The following ITGA3 variants were observed in gnomAD, a reference collection of about 807,000 sequenced individuals.
ITGA3 encodes the protein integrin alpha-3.
ITGA3 carries 70 observed loss-of-function variants against 131.1 expected under a neutral mutation model. The ratio of observed to expected loss-of-function variants is 0.53; its 90% CI spans 0.44 to 0.65. The LOEUF (loss-of-function observed/expected upper bound fraction) is 0.65. Among genes scored for constraint, ITGA3 ranks in the 30% least tolerant of loss-of-function variants. The pLI, the probability that ITGA3 is intolerant of heterozygous loss-of-function variation, is 0.00. For missense variants in ITGA3, 1,098 were observed against 1,388.6 expected, an observed-to-expected ratio of 0.79 and a Z score of 3.33; for synonymous variants, 537 against 571.6, an observed-to-expected ratio of 0.94 and a Z score of 0.86.
intron 15 of ITGA3, 103 bp downstream of exon 15, chr17:50,077,224 C>T (rs931254220): frequency 1.5e-6 from 2 of 1,336,758 alleles, no homozygotes; most frequent in South Asian, 1.4e-5. Flanking sequence ...CACGTGCCCA[C>T]CTCCTCTGGT....
At chr17:50,070,966 G>A in intron 5 of ITGA3, 36 bp downstream of exon 5, 1 of 1,312,562 alleles carries the variant, frequency 7.6e-7, no homozygotes, top group Non-Finnish European at 1.1e-6. Context: ...AAGTGGTAGA[G>A]GGGAAGGGGG....
rs545943519 is a variant in ITGA3, at chr17:50,060,768, TC to T, written c.207-3308del. Among the ~76,000 whole-genome samples, 99 of 152,182 alleles carry T rather than the reference TC, an allele frequency of 6.5e-4. 1 individual carries two copies. Among genetic ancestry groups the T allele is most frequent in the African/African-American group, 2.4e-3 (98 of 41,524 alleles). ...TCCATCTAGGCATCCCTCCACCTACTCTCCCTCCTTCTGGCTGCAGCTGAGG... is the reference window on the plus strand; with the variant it reads ...TCCATCTAGGCATCCCTCCACCTACTTCCCTCCTTCTGGCTGCAGCTGAGG... On this transcript the variant is annotated intron_variant, in intron 1 of 25. Coordinates refer to ENST00000320031, the MANE Select transcript of ITGA3 (RefSeq NM_002204.4).
Position 50,076,575 on chromosome 17 carries a change from A to AC in ITGA3, c.1825-3dup, listed in dbSNP as rs35261467. The AC allele has an allele frequency of 1.9e-6, 3 of 1,611,930 alleles. No homozygotes were observed. Among genetic ancestry groups the AC allele is most frequent in the African/African-American group, 1.3e-5 (1 of 74,776 alleles). On this transcript the variant is annotated splice_polypyrimidine_tract_variant and intron_variant, in intron 13 of 25. Transcript: ENST00000320031. The stretch of plus-strand genomic sequence containing the variant: ...TGGTGCGGCCTTCACACCTCCGGCC[A>AC]CCCCCCAGGTCCAGTTCCAGAAGGA...
chr17:50,066,571 T>C (rs980745681), intron 3 of ITGA3, among the ~76,000 whole-genome samples: 2 of 152,138 alleles, frequency 1.3e-5, no homozygotes, highest in African/African-American at 4.8e-5. Flanking sequence ...GCCTAGGAGT[T>C]TGTGATCAAC....
At position 50,087,850 on chromosome 17, in the gene ITGA3, T is replaced by G; in HGVS notation, c.3026T>G (p.Ile1009Ser). ...GCAGGGCTGCTGCTGCTGGGGCTGA[T>G]CATCCTCCTGCTGTGGAAGGTTAGT... ...VGAGLLLLGL[I>S]ILLLWKCGFF... Residue 1009 changes from isoleucine to serine, a missense_variant, in exon 24 of 26, where the codon ATC (isoleucine) becomes AGC (serine). Around this residue, in one of 3 missense-constraint regions of ITGA3, gnomAD observed 699 missense variants for 829.2 expected, o/e 0.84. Coordinates refer to ENST00000320031, the MANE Select transcript of ITGA3 (RefSeq NM_002204.4). 1.2e-6 allele frequency: 2 copies of G among 1,600,054 alleles called. No homozygotes were observed. Among genetic ancestry groups the G allele is most frequent in the Non-Finnish European group, 8.5e-7 (1 of 1,173,202 alleles).
chr17:50,073,713 G>T (rs1484087843), intron 7 of ITGA3, among the ~76,000 whole-genome samples: 1 of 152,004 alleles, frequency 6.6e-6, no homozygotes, highest in Non-Finnish European at 1.5e-5. Context: ...TTTCCCACCC[G>T]TGATAGGAGG....
At chr17:50,069,491 C>A (rs995031980) in intron 4 of ITGA3, among the ~76,000 whole-genome samples, 1 of 152,050 alleles carries the variant, frequency 6.6e-6, no homozygotes, top group Admixed American at 6.5e-5. Context: ...CGTAGGGAGA[C>A]CTTGTCTCTA....
chr17:50,072,282 C>T, intron 7 of ITGA3, 100 bp downstream of exon 7: 1 of 1,090,374 alleles, frequency 9.2e-7, no homozygotes, highest in Non-Finnish European at 1.4e-6. Flanking sequence ...CTTGACAGGG[C>T]CCACAGATGA....
At position 50,073,593 on chromosome 17, in the gene ITGA3, AACACACACAC is replaced by A. The variant is rs71146961; in HGVS notation, c.1157-292_1157-283del. ...GTCACAGAGCGAGACACTGTCTATA[AACACACACAC>A]ACACACACACACACACACACACACA... On this transcript the variant is annotated intron_variant, in intron 7 of 25. Coordinates refer to ENST00000320031, the MANE Select transcript of ITGA3 (RefSeq NM_002204.4). Among the ~76,000 whole-genome samples the A allele has an allele frequency of 1.9e-3, 272 of 144,260 alleles. 1 individual carries two copies. Among genetic ancestry groups the A allele is most frequent in the South Asian group, 0.016 (70 of 4,468 alleles). 94.6% of individuals were successfully genotyped at this position (144,260 alleles called of 152,430 possible).
rs975509582 is a variant in ITGA3 at position 50,056,463 on chromosome 17, G to A, written c.24G>A (p.Ala8=). Residue 8 remains alanine, a synonymous_variant, in exon 1 of 26, where the codon GCG becomes GCA. Coordinates refer to ENST00000320031, the MANE Select transcript of ITGA3 (RefSeq NM_002204.4). The surrounding 1 kb of genome is among the most constrained non-coding windows in gnomAD (Gnocchi z 5.6). MGPGPSR[A]PRAPRLMLCA... is the part of the protein sequence containing the mutation. ...CCATGGGCCCCGGCCCCAGCCGCGC[G>A]CCCCGCGCCCCACGCCTGATGCTCT... The A allele has an allele frequency of 2.0e-5, 31 of 1,535,818 alleles. No individual in the cohort carries two copies. The African/African-American group carries it at 3.4e-4, about 17-fold the overall frequency.
chr17:50,067,152 G>A (rs1338071348), intron 3 of ITGA3, among the ~76,000 whole-genome samples: 1 of 152,188 alleles, frequency 6.6e-6, no homozygotes, highest in African/African-American at 2.4e-5. Context: ...ACCAAACACT[G>A]TGCTATTCCT....
chr17:50,071,372 T>C lies in ITGA3; in HGVS notation c.813T>C (p.Gly271=). 6.2e-7 allele frequency: 1 copy of C among 1,614,130 alleles called. No homozygotes were observed. The highest frequency in any genetic ancestry group is 1.7e-5 in the Admixed American group (1 of 60,020). Reference sequence around the variant, plus strand: ...CCAAAAACATCACCATTGTGACAGGTGCCCCACGGCACCGACATATGGGCG... The same window carrying C: ...CCAAAAACATCACCATTGTGACAGGCGCCCCACGGCACCGACATATGGGCG... ...LHPKNITIVT[G]APRHRHMGAV... is the part of the protein sequence containing the mutation. Residue 271 remains glycine (G), a synonymous_variant, in exon 6 of 26, where the codon GGT becomes GGC. Transcript: ENST00000320031.
intron 3 of ITGA3, among the ~76,000 whole-genome samples, chr17:50,066,473 C>A (rs1240196891): frequency 6.6e-6 from 1 of 152,100 alleles, no homozygotes; most frequent in African/African-American, 2.4e-5. Flanking sequence ...GCAAGAGCAA[C>A]AATGCCTGGC....
chr17:50,058,111 GGAAA>G (rs1460542647), intron 1 of ITGA3, among the ~76,000 whole-genome samples: 1 of 152,250 alleles, frequency 6.6e-6, no homozygotes, highest in Non-Finnish European at 1.5e-5. Context: ...AGATCAGACT[GGAAA>G]GAAAGAGTCA....
chr17:50,067,953 T>C, intron 3 of ITGA3, 103 bp from the exon 4 acceptor site: 6 of 1,479,402 alleles, frequency 4.1e-6, no homozygotes, highest in Non-Finnish European at 4.6e-6. Flanking sequence ...GGAGATCTCC[T>C]TTGACTCCTG....
rs749303111 is a variant in ITGA3 at position 50,081,365 on chromosome 17, G to A, written c.2876G>A (p.Arg959Gln). The change falls in exon 23 of 26, where the codon CGA becomes CAA. Residue 959 changes from arginine (R) to glutamine (Q), a missense_variant. Around this residue, in one of 3 missense-constraint regions of ITGA3, gnomAD observed 699 missense variants for 829.2 expected, o/e 0.84. Transcript: ENST00000320031. Reference protein sequence around the residue: ...RVNGWATLFLRTSIPTINMEN... With the variant: ...RVNGWATLFLQTSIPTINMEN... The stretch of plus-strand genomic sequence containing the variant: ...AATGGCTGGGCTACCCTATTCCTCC[G>A]AACCAGCATCCCCACCATCAACATG... 9.4e-6 allele frequency: 15 copies of A among 1,590,740 alleles called. No homozygotes were observed. The highest frequency in any genetic ancestry group is 4.6e-5 in the South Asian group (4 of 87,590).
At chr17:50,081,604 G>A (rs1055665722) in intron 23 of ITGA3, among the ~76,000 whole-genome samples, 196 bp downstream of exon 23, 17 of 152,204 alleles carry the variant, frequency 1.1e-4, no homozygotes, top group African/African-American at 2.9e-4. Flanking sequence ...TGGATTCCGG[G>A]ATTGCTGTGT....
chr17:50,070,110 G>A lies in ITGA3; in HGVS notation c.665-734G>A, dbSNP rs78823231. Among the ~76,000 whole-genome samples, 1,114 of 152,326 alleles carry A rather than the reference G, an allele frequency of 7.3e-3. 19 individuals carry two copies. The highest frequency in any genetic ancestry group is 0.025 in the African/African-American group (1,035 of 41,560). On this transcript the variant is annotated intron_variant, in intron 4 of 25. Coordinates refer to ENST00000320031, the MANE Select transcript of ITGA3 (RefSeq NM_002204.4). ...AGATACTCTCCAGCAGCAGCCCTGG[G>A]TGCAGGGTCCAGCTAGGCAGCCCGA... is the stretch of plus-strand genomic sequence containing the variant.
intron 3 of ITGA3, chr17:50,065,167 C>G (rs1908280461): frequency 6.6e-6 from 1 of 152,280 alleles, no homozygotes; most frequent in Admixed American, 6.5e-5. Context: ...TGTTATATTC[C>G]AAAAAGGATT....
Sources: allele counts gnomAD v4.1 joint callset (sites outside exome capture counted in the v4.1 genomes callset), GRCh38; gene constraint gnomAD v4.1.1; regional missense constraint gnomAD v4.1.1; non-coding constraint Gnocchi (gnomAD v3.1); transcripts MANE v1.5; gene names NCBI Gene and HGNC (gene_info 2026-07-23, HGNC 2026-07-21).